PTPRR: variants seen among roughly 807,000 people sequenced by gnomAD.
The protein encoded by PTPRR is protein tyrosine phosphatase receptor type R.
PTPRR carries 38 observed loss-of-function variants against 77.2 expected under a neutral mutation model. That is an observed-to-expected ratio of 0.49 (90% confidence interval 0.38 to 0.65). PTPRR has a LOEUF of 0.65. Ranked by LOEUF, PTPRR falls within the 30% of genes least tolerant of loss-of-function variation. The probability of loss-of-function intolerance (pLI) is 0.00; values close to 1 mark genes in which losing one functional copy is unlikely to be tolerated. For synonymous variants in PTPRR, 299 were observed against 283.1 expected (o/e 1.06, Z -0.57); for missense variants, 744 against 799.2 (o/e 0.93, Z 0.83).
chr12:70,915,096 A>G (rs1893756329), intron 1 of PTPRR, among the ~76,000 whole-genome samples: 1 of 152,192 alleles, frequency 6.6e-6, no homozygotes, highest in African/African-American at 2.4e-5. Flanking sequence ...ACAAATTGAG[A>G]AATGGCTGGA....
intron 2 of PTPRR, among the ~76,000 whole-genome samples, chr12:70,850,654 C>T (rs183804293): frequency 3.9e-5 from 6 of 152,168 alleles, no homozygotes; most frequent in Non-Finnish European, 7.4e-5. Context: ...CCATTGTGAC[C>T]GGGAATAATT....
chr12:70,687,740 A>T (rs1887922069), intron 8 of PTPRR, among the ~76,000 whole-genome samples: 1 of 152,190 alleles, frequency 6.6e-6, no homozygotes. Context: ...TCAGGATATA[A>T]CCTAACTGTG....
chr12:70,864,215 T>G (rs1468105460), intron 2 of PTPRR, among the ~76,000 whole-genome samples: 1 of 152,154 alleles, frequency 6.6e-6, no homozygotes, highest in Non-Finnish European at 1.5e-5. Flanking sequence ...GCATGACCCA[T>G]TTGACCAAGC....
intron 2 of PTPRR, among the ~76,000 whole-genome samples, chr12:70,794,493 C>T (rs958751939): frequency 6.6e-6 from 1 of 152,124 alleles, no homozygotes; most frequent in African/African-American, 2.4e-5. Context: ...TAGATCAAAA[C>T]TTGTGTCAGA....
chr12:70,814,806 T>C (rs1459262056), intron 2 of PTPRR, among the ~76,000 whole-genome samples: 3 of 152,154 alleles, frequency 2.0e-5, no homozygotes, highest in Non-Finnish European at 4.4e-5. Context: ...TCAAAAGAAT[T>C]AAACTGGTTT....
intron 2 of PTPRR, among the ~76,000 whole-genome samples, chr12:70,833,408 A>G (rs1448979722): frequency 6.6e-6 from 1 of 152,054 alleles, no homozygotes; most frequent in Non-Finnish European, 1.5e-5. Context: ...TCAGTGTTTG[A>G]TTAGTTTTGT....
chr12:70,877,941 T>C (rs1440811626), intron 2 of PTPRR, among the ~76,000 whole-genome samples: 3 of 152,048 alleles, frequency 2.0e-5, no homozygotes, highest in Non-Finnish European at 2.9e-5. Context: ...TAAGAAATAA[T>C]GCTGCATATC....
intron 10 of PTPRR, among the ~76,000 whole-genome samples, chr12:70,681,938 A>C (rs887861331): frequency 6.6e-6 from 1 of 152,012 alleles, no homozygotes. Context: ...TTAAATACTC[A>C]AGAGAGCCTT....
chr12:70,872,907 A>G (rs1751567277), intron 2 of PTPRR, among the ~76,000 whole-genome samples: 1 of 152,150 alleles, frequency 6.6e-6, no homozygotes, highest in Non-Finnish European at 1.5e-5. Context: ...TGAACTTTAA[A>G]ACAATTTTAT....
intron 2 of PTPRR, among the ~76,000 whole-genome samples, chr12:70,868,610 C>A (rs61930371): frequency 1.3e-3 from 197 of 151,946 alleles, no homozygotes; most frequent in African/African-American, 3.5e-3. Context: ...TAGTTCAACC[C>A]TTGTGGAAGT....
Position 70,672,491 on chromosome 12 carries a change from G to A in PTPRR, c.1498-9886C>T, listed in dbSNP as rs1887269594. On this transcript the variant is annotated intron_variant, in intron 10 of 13. Coordinates refer to ENST00000283228, the MANE Select transcript of PTPRR (RefSeq NM_002849.4). ...GGCTTCACTGCGGCTCATAACGTGA[G>A]TGCTCATGACTGGCAAATGAGACAT... 6.0e-6 allele frequency: 7 copies of A among 1,175,980 alleles called. No homozygotes were observed. In the South Asian group the frequency reaches 7.3e-5, roughly 12 times the overall value. 72.8% of individuals were successfully genotyped at this position (1,175,980 alleles called of 1,614,324 possible). A position where few individuals can be genotyped will look rare whatever the true frequency, so the allele number is the denominator to read the frequency against.
chr12:70,850,634 C>G (rs1403324241), intron 2 of PTPRR, among the ~76,000 whole-genome samples: 1 of 152,102 alleles, frequency 6.6e-6, no homozygotes, highest in African/African-American at 2.4e-5. Flanking sequence ...GTGGATGAAT[C>G]TCTTCAAATC....
intron 2 of PTPRR, among the ~76,000 whole-genome samples, chr12:70,852,495 T>C (rs374694287): frequency 2.0e-5 from 3 of 152,198 alleles, no homozygotes; most frequent in Admixed American, 6.5e-5. Context: ...TTTTATACCC[T>C]GATTATTATC....
Position 70,840,323 on chromosome 12 carries a change from G to A in PTPRR, c.357+52356C>T, listed in dbSNP as rs952355516. Among the ~76,000 whole-genome samples, 6 of 152,032 alleles carry A rather than the reference G, an allele frequency of 3.9e-5. No homozygotes were observed. In the South Asian group the frequency reaches 6.2e-4, roughly 16 times the overall value. ...TCTGCTCACACTGCATTATTCTGAC[G>A]TCCTCTCCTGTCTTTTTCTCCCACT... is the stretch of plus-strand genomic sequence containing the variant. On this transcript the variant is annotated intron_variant, in intron 2 of 13. Coordinates refer to ENST00000283228, the MANE Select transcript of PTPRR (RefSeq NM_002849.4).
intron 3 of PTPRR, among the ~76,000 whole-genome samples, chr12:70,762,245 T>G (rs900699326): frequency 6.6e-6 from 1 of 152,060 alleles, no homozygotes; most frequent in African/African-American, 2.4e-5. Flanking sequence ...TTAGCTGAAA[T>G]GGAGTCAGAG....
intron 8 of PTPRR, among the ~76,000 whole-genome samples, 188 bp downstream of exon 8, chr12:70,698,077 A>G (rs1888291624): frequency 6.6e-6 from 1 of 152,050 alleles, no homozygotes; most frequent in South Asian, 2.1e-4. Flanking sequence ...AATTATTATT[A>G]TTATTTATAC....
chr12:70,796,627 T>A (rs1365748308), intron 2 of PTPRR, among the ~76,000 whole-genome samples: 2 of 152,142 alleles, frequency 1.3e-5, no homozygotes, highest in Non-Finnish European at 2.9e-5. Flanking sequence ...GAATTTACGT[T>A]TTTAGGGGAT....
chr12:70,665,186 A>G (rs1430556528), intron 10 of PTPRR, among the ~76,000 whole-genome samples: 1 of 152,108 alleles, frequency 6.6e-6, no homozygotes, highest in African/African-American at 2.4e-5. Context: ...CAGTAAAATT[A>G]TCTATTAATT....
intron 4 of PTPRR, among the ~76,000 whole-genome samples, chr12:70,760,375 A>G (rs1890665334): frequency 6.6e-6 from 1 of 152,182 alleles, no homozygotes; most frequent in South Asian, 2.1e-4. Flanking sequence ...CAGCCTCCCC[A>G]GTAGTTAGGA....
Sources: gnomAD v4.1 joint callset for allele counts (sites outside exome capture counted in the v4.1 genomes callset) on GRCh38, gnomAD v4.1.1 for gene constraint, MANE v1.5 for transcripts, NCBI Gene and HGNC (gene_info 2026-07-23, HGNC 2026-07-21) for gene names.